KCNN2: variants seen among roughly 807,000 people sequenced by gnomAD.
The protein encoded by KCNN2 is potassium calcium-activated channel subfamily N member 2, also known as small conductance calcium-activated potassium channel protein 2.
Under a neutral mutation model 55.5 loss-of-function variants are expected in KCNN2, and 24 were observed. That is an observed-to-expected ratio of 0.43 (90% CI 0.31 to 0.61). KCNN2 has a LOEUF of 0.61. KCNN2 is among the 20% of genes least tolerant of loss of function. The pLI is 0.08. For missense variants in KCNN2, 754 were observed against 853.6 expected, an observed-to-expected ratio of 0.88 and a Z score of 1.45; for synonymous variants, 431 against 336.1, an observed-to-expected ratio of 1.28 and a Z score of -3.09.
intron 1 of KCNN2, among the ~76,000 whole-genome samples, chr5:114,136,975 G>T (rs1752186295): frequency 6.6e-6 from 1 of 152,154 alleles, no homozygotes; most frequent in Non-Finnish European, 1.5e-5. Flanking sequence ...GACTCAGGGA[G>T]CCTGAGCTCT....
chr5:114,146,652 T>G (rs1752403172), intron 1 of KCNN2, among the ~76,000 whole-genome samples: 1 of 152,176 alleles, frequency 6.6e-6, no homozygotes, highest in Non-Finnish European at 1.5e-5. Context: ...GCCTCAGGGA[T>G]TAACTCCAGT....
At chr5:114,257,571 C>G (rs575420779) in intron 2 of KCNN2, among the ~76,000 whole-genome samples, 1 of 152,218 alleles carries the variant, frequency 6.6e-6, no homozygotes, top group South Asian at 2.1e-4. Flanking sequence ...TCTTTCACCT[C>G]ATTGGATAAG....
At chr5:114,291,356 C>T (rs1202569237) in intron 2 of KCNN2, among the ~76,000 whole-genome samples, 1 of 152,056 alleles carries the variant, frequency 6.6e-6, no homozygotes, top group Non-Finnish European at 1.5e-5. Context: ...CACCCCACAA[C>T]AGTCCCTGGA....
intron 1 of KCNN2, among the ~76,000 whole-genome samples, chr5:114,086,888 C>T (rs1394080622): frequency 6.6e-6 from 1 of 152,194 alleles, no homozygotes; most frequent in African/African-American, 2.4e-5. Flanking sequence ...AACTAATTTA[C>T]ATTCCCACAA....
chr5:114,269,357 A>T (rs1026742000), intron 2 of KCNN2, among the ~76,000 whole-genome samples: 3 of 152,128 alleles, frequency 2.0e-5, no homozygotes, highest in African/African-American at 4.8e-5. Flanking sequence ...CCTAACTTCC[A>T]AACTGATTCT....
intron 1 of KCNN2, among the ~76,000 whole-genome samples, chr5:114,064,615 G>T (rs1246192684): frequency 6.6e-6 from 1 of 152,160 alleles, no homozygotes; most frequent in East Asian, 1.9e-4. Flanking sequence ...ATGCAGGAAA[G>T]GTCTTTCTCC....
chr5:114,203,251 C>T (rs1429377958), intron 1 of KCNN2, among the ~76,000 whole-genome samples: 1 of 151,952 alleles, frequency 6.6e-6, no homozygotes, highest in Non-Finnish European at 1.5e-5. Flanking sequence ...TATGGTGATT[C>T]AATTCTTATA....
intron 1 of KCNN2, among the ~76,000 whole-genome samples, chr5:114,098,780 G>A (rs752416235): frequency 6.6e-6 from 1 of 152,100 alleles, no homozygotes; most frequent in Non-Finnish European, 1.5e-5. Context: ...CAGAGATTTG[G>A]CTCCAATCTT....
At chr5:114,454,462 A>G (rs1307579900) in intron 3 of KCNN2, among the ~76,000 whole-genome samples, 1 of 152,162 alleles carries the variant, frequency 6.6e-6, no homozygotes, top group East Asian at 1.9e-4. Context: ...TGAGTTTTTC[A>G]TTAGGGAATT....
intron 2 of KCNN2, among the ~76,000 whole-genome samples, chr5:114,366,941 C>G (rs1004259907): frequency 6.6e-6 from 1 of 152,132 alleles, no homozygotes; most frequent in African/African-American, 2.4e-5. Flanking sequence ...GTATGATAAT[C>G]AGATAGTAAA....
intron 1 of KCNN2, among the ~76,000 whole-genome samples, chr5:114,213,575 G>C (rs1753934569): frequency 6.6e-6 from 1 of 151,904 alleles, no homozygotes; most frequent in African/African-American, 2.4e-5. Context: ...TGGCTAAGTA[G>C]AGAATTCTGG....
intron 1 of KCNN2, among the ~76,000 whole-genome samples, chr5:114,189,017 T>C (rs1481684118): frequency 6.6e-6 from 1 of 152,144 alleles, no homozygotes; most frequent in East Asian, 1.9e-4. Flanking sequence ...AAACTTGCTC[T>C]ATTAGAAATC....
intron 2 of KCNN2, among the ~76,000 whole-genome samples, chr5:114,242,934 A>G (rs1301917166): frequency 2.6e-5 from 4 of 152,166 alleles, no homozygotes; most frequent in Non-Finnish European, 4.4e-5. Flanking sequence ...TCATTCATCT[A>G]TTTATTAAAC....
At chr5:114,064,744 T>G (rs1750408837) in intron 1 of KCNN2, among the ~76,000 whole-genome samples, 1 of 152,200 alleles carries the variant, frequency 6.6e-6, no homozygotes, top group African/African-American at 2.4e-5. Flanking sequence ...TGAAAGTTCC[T>G]GTAAAAACAA....
chr5:114,224,048 G>A (rs775063216), intron 2 of KCNN2, among the ~76,000 whole-genome samples: 3 of 152,168 alleles, frequency 2.0e-5, no homozygotes, highest in Non-Finnish European at 4.4e-5. Context: ...ACAGGAAACA[G>A]CCTAGAGGGA....
chr5:114,377,199 A>G (rs888474825), intron 2 of KCNN2, among the ~76,000 whole-genome samples: 5 of 152,138 alleles, frequency 3.3e-5, no homozygotes, highest in East Asian at 1.9e-4. Context: ...GGCTGTGTGT[A>G]CATAACCTCT....
At chr5:114,207,717 T>G (rs1189958619) in intron 1 of KCNN2, among the ~76,000 whole-genome samples, 1 of 152,190 alleles carries the variant, frequency 6.6e-6, no homozygotes, top group Non-Finnish European at 1.5e-5. Context: ...GTTAACTTAC[T>G]TGCACCTCTT....
At chr5:114,491,029 G>A (rs914578795) in intron 6 of KCNN2, among the ~76,000 whole-genome samples, 1 of 152,104 alleles carries the variant, frequency 6.6e-6, no homozygotes, top group African/African-American at 2.4e-5. Context: ...TTCAAGTTCC[G>A]ATAGCTAAAG....
intron 1 of KCNN2, among the ~76,000 whole-genome samples, chr5:114,113,819 C>T (rs775502798): frequency 2.6e-5 from 4 of 152,056 alleles, no homozygotes; most frequent in African/African-American, 9.7e-5. Context: ...AAAACTTCCT[C>T]GCAGGAGGGA....
Sources: allele counts gnomAD v4.1 joint callset (sites outside exome capture counted in the v4.1 genomes callset), GRCh38; gene constraint gnomAD v4.1.1; transcripts MANE v1.5; gene names NCBI Gene and HGNC (gene_info 2026-07-23, HGNC 2026-07-21).